CPXM1: variants seen among roughly 807,000 people sequenced by gnomAD.
The protein encoded by CPXM1 is probable carboxypeptidase X1.
A neutral mutation model predicts 80.4 loss-of-function variants in CPXM1; 72 were observed. The ratio of observed to expected loss-of-function variants is 0.90; its 90% confidence interval spans 0.74 to 1.09. The LOEUF (loss-of-function observed/expected upper bound fraction) is 1.09. Ranked by LOEUF, CPXM1 falls within the 50% of genes least tolerant of loss-of-function variation. The probability of loss-of-function intolerance (pLI) is 0.00; values close to 1 mark genes in which losing one functional copy is unlikely to be tolerated. For missense variants in CPXM1, 892 were observed against 999.4 expected, an observed-to-expected ratio of 0.89 and a Z score of 1.45; for synonymous variants, 403 against 405.6, an observed-to-expected ratio of 0.99 and a Z score of 0.08.
chr20:2,797,244 G>A lies in CPXM1; in HGVS notation c.780C>T (p.Leu260=). ...RFIRLLPQTW[L]QGGAPCLRAE... is the part of the protein sequence containing the mutation. ...CCCGGAGGCAAGGCGCGCCTCCCTG[G>A]AGCCAGGTCTGGGGCAGCAGGCGAA... Residue 260 remains leucine, a synonymous_variant, in exon 6 of 14, where the codon CTC becomes CTT. Transcript: ENST00000380605. 1.9e-6 allele frequency: 3 copies of A among 1,571,526 alleles called. No homozygotes were observed. The highest frequency in any genetic ancestry group is 2.6e-6 in the Non-Finnish European group (3 of 1,155,424).
In CPXM1 at chr20:2,794,116, G is replaced by A. The variant is rs1000372240; in HGVS notation, c.*74C>T. Reference sequence around the variant, plus strand: ...TTAATGAGCACCTTTTCCTCACTTTGTCCCTCCCTCTCTACTCTTCCCCTT... The same window carrying A: ...TTAATGAGCACCTTTTCCTCACTTTATCCCTCCCTCTCTACTCTTCCCCTT... On this transcript the variant is annotated 3_prime_UTR_variant, in exon 14 of 14. Transcript: ENST00000380605. This position sits in a 1 kb window ranked among gnomAD's most constrained non-coding sequence, Gnocchi z 5.2. 8.2e-5 allele frequency: 124 copies of A among 1,517,084 alleles called. No homozygotes were observed. The highest frequency in any genetic ancestry group is 4.9e-4 in the Admixed American group (23 of 46,776). The allele number at this position is 1,517,084 out of a possible 1,614,324, so 94.0% of individuals were successfully genotyped here.
rs1386595328 is a variant in CPXM1, at chr20:2,798,754, G to A, written c.312C>T (p.Thr104=). 2.9e-5 allele frequency: 46 copies of A among 1,613,200 alleles called. No homozygotes were observed. Among genetic ancestry groups the A allele is most frequent in the Non-Finnish European group, 3.8e-5 (45 of 1,179,788 alleles). ...GPLVTPTPAG[T]LDPAEKQETG... Reference sequence around the variant, plus strand: ...TTTCTTGTTTCTCAGCGGGGTCGAGGGTCCCTGCTGGAGTGGGGGTCACAA... The same window carrying A: ...TTTCTTGTTTCTCAGCGGGGTCGAGAGTCCCTGCTGGAGTGGGGGTCACAA... The change falls in exon 2 of 14, where the codon ACC becomes ACT. Residue 104 remains threonine, a synonymous_variant. Coordinates refer to ENST00000380605, the MANE Select transcript of CPXM1 (RefSeq NM_019609.5).
At position 2,795,629 on chromosome 20, in the gene CPXM1, T is replaced by C. The variant is rs1340408513; in HGVS notation, c.1690A>G (p.Asn564Asp). Residue 564 changes from asparagine to aspartate, a missense_variant, in exon 11 of 14, where the codon AAC (asparagine) becomes GAC (aspartate). By Grantham distance (23) the Asn-to-Asp change is conservative. Around this residue, in one of 2 missense-constraint regions of CPXM1, gnomAD observed 874 missense variants for 958.4 expected, o/e 0.91. Transcript: ENST00000380605. This position sits in a 1 kb window ranked among gnomAD's most constrained non-coding sequence, Gnocchi z 5.4. ...GGGACCGTGTGCCAGTCAGCCCCGT[T>C]GATGATGTTGCCGTGCACGGAGAAG... The part of the protein sequence containing the change: ...QDFSVHGNII[N>D]GADWHTVPGS... 2.5e-6 allele frequency: 4 copies of C among 1,613,868 alleles called. No homozygotes were observed. The Admixed American group carries it at 6.7e-5, about 27-fold the overall frequency.
Position 2,800,393 on chromosome 20 carries a change from G to GAACT in CPXM1, c.172+4_172+7dup. On this transcript the variant is annotated splice_region_variant and intron_variant, in intron 1 of 13. Transcript: ENST00000380605. ...GCGGGGGAGCGGACCGTCGGTCGGG[G>GAACT]AACTCACCGTTAGCTGTCTCCGCCG... The GAACT allele has an allele frequency of 6.6e-7, 1 of 1,522,120 alleles. No individual in the cohort carries two copies. The highest frequency in any genetic ancestry group is 8.8e-7 in the Non-Finnish European group (1 of 1,142,754). The allele number at this position is 1,522,120 out of a possible 1,614,324, so 94.3% of individuals were successfully genotyped here. A position where few individuals can be genotyped will look rare whatever the true frequency, so the allele number is the denominator to read the frequency against.
rs1234541962 is a variant in CPXM1 at position 2,797,026 on chromosome 20, T to A, written c.901A>T (p.Asn301Tyr). The change falls in exon 7 of 14, where the codon AAT (asparagine) becomes TAT (tyrosine). Residue 301 changes from asparagine (N) to tyrosine (Y), a missense_variant. By Grantham distance (143) the Asn-to-Tyr change is moderately radical. Around this residue, in one of 2 missense-constraint regions of CPXM1, gnomAD observed 874 missense variants for 958.4 expected, o/e 0.91. Transcript: ENST00000380605. ...SSDPLDFQHHNYKAMRKLMKQ... is the reference protein window; with the variant it reads ...SSDPLDFQHHYYKAMRKLMKQ... ...CTGACCTTCCTCATGGCCTTGTAAT[T>A]GTGATGCTGAAAGTCTAGAGGGTCA... 3 of 1,613,988 alleles carry A rather than the reference T, an allele frequency of 1.9e-6. No homozygotes were observed. The Admixed American group carries it at 5.0e-5, about 27-fold the overall frequency.
At position 2,795,684 on chromosome 20, in the gene CPXM1, G is replaced by A. The variant is rs750813847; in HGVS notation, c.1635C>T (p.Asp545=). 108 of 1,613,910 alleles carry A rather than the reference G, an allele frequency of 6.7e-5. No individual in the cohort carries two copies. In the Admixed American group the frequency reaches 1.8e-3, roughly 27 times the overall value. The change falls in exon 11 of 14, where the codon GAC becomes GAT. Residue 545 remains aspartate, a synonymous_variant. Coordinates refer to ENST00000380605, the MANE Select transcript of CPXM1 (RefSeq NM_019609.5). The surrounding 1 kb of genome is among the most constrained non-coding windows in gnomAD (Gnocchi z 5.4). ...VYAGSNLAMQ[D]TSRRPCHSQD... ...GGCTGTGGCAGGGTCGGCGGCTGGTGTCCTGCATGGCCAGATTACTGCCAG... is the reference window on the plus strand; with the variant it reads ...GGCTGTGGCAGGGTCGGCGGCTGGTATCCTGCATGGCCAGATTACTGCCAG...
At chr20:2,797,124 T>C (rs565952872) in intron 6 of CPXM1, 30 bp from the exon 7 acceptor site, 3 of 1,613,654 alleles carry the variant, frequency 1.9e-6, no homozygotes, top group African/African-American at 1.3e-5. Flanking sequence ...TGGTAAAGGG[T>C]GTGTCCACAG....
chr20:2,794,127 T>C lies in CPXM1; in HGVS notation c.*63A>G. 4 of 1,535,498 alleles carry C rather than the reference T, an allele frequency of 2.6e-6. No homozygotes were observed. Among genetic ancestry groups the C allele is most frequent in the Non-Finnish European group, 3.5e-6 (4 of 1,142,568 alleles). ...CTTTTCCTCACTTTGTCCCTCCCTC[T>C]CTACTCTTCCCCTTCCCGTCTTGAC... is the stretch of plus-strand genomic sequence containing the variant. On this transcript the variant is annotated 3_prime_UTR_variant, in exon 14 of 14. Coordinates refer to ENST00000380605, the MANE Select transcript of CPXM1 (RefSeq NM_019609.5). This position sits in a 1 kb window ranked among gnomAD's most constrained non-coding sequence, Gnocchi z 5.2.
At position 2,796,715 on chromosome 20, in the gene CPXM1, T is replaced by G. The variant is rs2088514022; in HGVS notation, c.922-65A>C. 1.9e-6 allele frequency: 3 copies of G among 1,590,898 alleles called. No homozygotes were observed. Among genetic ancestry groups the G allele is most frequent in the South Asian group, 2.3e-5 (2 of 88,640 alleles). On this transcript the variant is annotated intron_variant, in intron 7 of 13. Coordinates refer to ENST00000380605, the MANE Select transcript of CPXM1 (RefSeq NM_019609.5). The surrounding 1 kb of genome is among the most constrained non-coding windows in gnomAD (Gnocchi z 6.8). ...GGTACACCCAGGGGCAGATCACATG[T>G]GCCATGGAAAGACTTAAAAAGTCAG... is the stretch of plus-strand genomic sequence containing the variant.
Position 2,798,895 on chromosome 20 carries a change from T to A in CPXM1, c.173-2A>T. 1 of 1,613,138 alleles carries A rather than the reference T, an allele frequency of 6.2e-7. No individual in the cohort carries two copies. The highest frequency in any genetic ancestry group is 1.1e-5 in the South Asian group (1 of 90,896). On this transcript the variant is annotated splice_acceptor_variant, in intron 1 of 13. Transcript: ENST00000380605. LOFTEE classifies it high-confidence loss of function. Reference sequence around the variant, plus strand: ...TCCGGACATGCTGTTCTGAGGTCCCTTGGGGTCCGAGAGGCACAGCATGGG... The same window carrying A: ...TCCGGACATGCTGTTCTGAGGTCCCATGGGGTCCGAGAGGCACAGCATGGG...
rs982884152 is a variant in CPXM1 at position 2,800,592 on chromosome 20, G to C, written c.-20C>G. 9 of 1,325,852 alleles carry C rather than the reference G, an allele frequency of 6.8e-6. No homozygotes were observed. The African/African-American group carries it at 1.1e-4, about 16-fold the overall frequency. 82.1% of individuals were successfully genotyped at this position (1,325,852 alleles called of 1,614,324 possible). ...CCACATGGCGGGGATTGAGTGCCAG[G>C]GGCGCGCGGGCTACGGCGGGTGGCG... On this transcript the variant is annotated 5_prime_UTR_variant, in exon 1 of 14. Transcript: ENST00000380605.
chr20:2,795,847 A>G lies in CPXM1; in HGVS notation c.1472T>C (p.Phe491Ser). The change falls in exon 11 of 14, where the codon TTT (phenylalanine) becomes TCT (serine). Residue 491 changes from phenylalanine to serine, a missense_variant. By Grantham distance (155) the Phe-to-Ser change is radical (BLOSUM62 -2). Transcript: ENST00000380605. This position sits in a 1 kb window ranked among gnomAD's most constrained non-coding sequence, Gnocchi z 5.4. ...AVIKWMKRIP[F>S]VLSANLHGGE... ...CCCGTGGAGGTTGGCACTTAGCACA[A>G]AGGGGATCCGCTTCATCCACTTGAT... 1 of 1,612,282 alleles carries G rather than the reference A, an allele frequency of 6.2e-7. No individual in the cohort carries two copies. Among genetic ancestry groups the G allele is most frequent in the Non-Finnish European group, 8.5e-7 (1 of 1,179,926 alleles).
rs369217763 is a variant in CPXM1, at chr20:2,794,449, C to T, written c.1964-18G>A. ...GCCCCACGCTGAGGAGAGTGAAGGG[C>T]ACGATCAGGACCCAATTAATGATCT... On this transcript the variant is annotated intron_variant, in intron 13 of 13. Coordinates refer to ENST00000380605, the MANE Select transcript of CPXM1 (RefSeq NM_019609.5). This position sits in a 1 kb window ranked among gnomAD's most constrained non-coding sequence, Gnocchi z 5.2. 72 of 1,613,230 alleles carry T rather than the reference C, an allele frequency of 4.5e-5. No individual in the cohort carries two copies. Among genetic ancestry groups the T allele is most frequent in the Non-Finnish European group, 5.5e-5 (65 of 1,179,414 alleles).
intron 5 of CPXM1, 81 bp from the exon 6 acceptor site, chr20:2,797,423 C>A: frequency 7.2e-7 from 1 of 1,397,158 alleles, no homozygotes; most frequent in Non-Finnish European, 9.4e-7. Flanking sequence ...CTCAGGCCTC[C>A]AAGCTTACTG....
rs1488569932 is a variant in CPXM1, at chr20:2,795,663, G to A, written c.1656C>T (p.His552=). 6.2e-7 allele frequency: 1 copy of A among 1,614,136 alleles called. No homozygotes were observed. The highest frequency in any genetic ancestry group is 2.2e-5 in the East Asian group (1 of 44,884). ...TGCCGTGCACGGAGAAGTCCTGGCT[G>A]TGGCAGGGTCGGCGGCTGGTGTCCT... ...AMQDTSRRPC[H]SQDFSVHGNI... Residue 552 remains histidine (H), a synonymous_variant, in exon 11 of 14, where the codon CAC becomes CAT. Coordinates refer to ENST00000380605, the MANE Select transcript of CPXM1 (RefSeq NM_019609.5). The surrounding 1 kb of genome is among the most constrained non-coding windows in gnomAD (Gnocchi z 5.4).
In CPXM1 at chr20:2,795,002, T is replaced by C. The variant is rs538376684; in HGVS notation, c.1860+275A>G. On this transcript the variant is annotated intron_variant, in intron 12 of 13. Coordinates refer to ENST00000380605, the MANE Select transcript of CPXM1 (RefSeq NM_019609.5). The surrounding 1 kb of genome is among the most constrained non-coding windows in gnomAD (Gnocchi z 5.4). ...AGCTCCTGCACCTGCCTCACGTGAG[T>C]CTCTCCTGAGGATAGCTCTGGGGCA... is the stretch of plus-strand genomic sequence containing the variant. Among the ~76,000 whole-genome samples the C allele has an allele frequency of 2.2e-4, 34 of 151,972 alleles. No individual in the cohort carries two copies. The highest frequency in any genetic ancestry group is 4.0e-4 in the Non-Finnish European group (27 of 67,994).
intron 1 of CPXM1, 95 bp from the exon 2 acceptor site, chr20:2,798,988 G>T: frequency 7.8e-7 from 1 of 1,274,492 alleles, no homozygotes; most frequent in Non-Finnish European, 1.1e-6. Flanking sequence ...TGAGCCCACA[G>T]CAGGCCACAC....
Position 2,798,746 on chromosome 20 carries a change from G to A in CPXM1, c.320C>T (p.Pro107Leu), listed in dbSNP as rs2088536931. ...VTPTPAGTLDPAEKQETGCPP... is the reference protein window; with the variant it reads ...VTPTPAGTLDLAEKQETGCPP... Reference sequence around the variant, plus strand: ...AGTACCTGTTTCTTGTTTCTCAGCGGGGTCGAGGGTCCCTGCTGGAGTGGG... The same window carrying A: ...AGTACCTGTTTCTTGTTTCTCAGCGAGGTCGAGGGTCCCTGCTGGAGTGGG... The change falls in exon 2 of 14, where the codon CCC (proline) becomes CTC (leucine). Residue 107 changes from proline to leucine, a missense_variant. This residue lies in a region of CPXM1 where 874 missense variants were observed against 958.4 expected (regional missense o/e 0.91). Coordinates refer to ENST00000380605, the MANE Select transcript of CPXM1 (RefSeq NM_019609.5). The A allele has an allele frequency of 6.2e-6, 10 of 1,612,596 alleles. No homozygotes were observed. The highest frequency in any genetic ancestry group is 8.5e-6 in the Non-Finnish European group (10 of 1,179,438).
At position 2,796,686 on chromosome 20, in the gene CPXM1, G is replaced by A; in HGVS notation, c.922-36C>T. On this transcript the variant is annotated intron_variant, in intron 7 of 13. Transcript: ENST00000380605. The surrounding 1 kb of genome is among the most constrained non-coding windows in gnomAD (Gnocchi z 6.8). The stretch of plus-strand genomic sequence containing the variant: ...GAGTGTAGCGTGGCATGAGGCATGG[G>A]AGGGGTACACCCAGGGGCAGATCAC... 1 of 1,611,800 alleles carries A rather than the reference G, an allele frequency of 6.2e-7. No homozygotes were observed. The highest frequency in any genetic ancestry group is 1.1e-5 in the South Asian group (1 of 90,924).
Sources: gnomAD v4.1 joint callset for allele counts (sites outside exome capture counted in the v4.1 genomes callset) on GRCh38, gnomAD v4.1.1 for gene constraint, gnomAD v4.1.1 regional missense constraint, Gnocchi (gnomAD v3.1) non-coding constraint, MANE v1.5 for transcripts, NCBI Gene and HGNC (gene_info 2026-07-23, HGNC 2026-07-21) for gene names.